Variants in TLN2 observed in about 807,000 individuals in gnomAD.
The protein encoded by TLN2 is talin-2.
TLN2 carries 118 observed loss-of-function variants against 294.7 expected under a neutral mutation model. The ratio of observed to expected loss-of-function variants is 0.40; its 90% confidence interval spans 0.34 to 0.47. The LOEUF (loss-of-function observed/expected upper bound fraction) is 0.47. Among genes scored for constraint, TLN2 ranks in the 20% least tolerant of loss-of-function variants. TLN2 has a pLI of 0.84. For synonymous variants in TLN2, 1,431 were observed against 1,304.5 expected (o/e 1.10, Z -2.09); for missense variants, 3,083 against 3,282.2 (o/e 0.94, Z 1.48).
At chr15:62,787,491 CA>C (rs2064760563) in intron 45 of TLN2, among the ~76,000 whole-genome samples, 1 of 151,694 alleles carries the variant, frequency 6.6e-6, no homozygotes, top group South Asian at 2.1e-4. Context: ...TTTATTTCGA[CA>C]AAAAAAGAAT....
At chr15:62,646,400 G>A (rs1200670853) in intron 3 of TLN2, among the ~76,000 whole-genome samples, 4 of 152,128 alleles carry the variant, frequency 2.6e-5, no homozygotes, top group Non-Finnish European at 4.4e-5. Flanking sequence ...GAGTTCAAGT[G>A]ATCCGCCCCC....
intron 51 of TLN2, among the ~76,000 whole-genome samples, chr15:62,806,192 G>A (rs189421875): frequency 1.4e-4 from 21 of 151,566 alleles, no homozygotes; most frequent in South Asian, 4.2e-4. Context: ...AACCCTGTCC[G>A]TTTAAAAAAA....
chr15:62,600,121 A>T (rs1342973013), intron 2 of TLN2, among the ~76,000 whole-genome samples: 1 of 152,174 alleles, frequency 6.6e-6, no homozygotes, highest in East Asian at 1.9e-4. Context: ...TGCTGCTTGT[A>T]GTTGAAAAGA....
At chr15:62,824,216 A>G (rs2067833605) in intron 54 of TLN2, among the ~76,000 whole-genome samples, 1 of 152,214 alleles carries the variant, frequency 6.6e-6, no homozygotes, top group African/African-American at 2.4e-5. Flanking sequence ...TATAGAAACA[A>G]TAAGTGTTGA....
chr15:62,499,099 T>C (rs2039167511), intron 1 of TLN2, among the ~76,000 whole-genome samples: 2 of 152,120 alleles, frequency 1.3e-5, no homozygotes, highest in Admixed American at 1.3e-4. Flanking sequence ...TTTTTTTTTC[T>C]AGGCCATGTT....
chr15:62,593,275 T>C (rs1193116994), intron 2 of TLN2, among the ~76,000 whole-genome samples: 1 of 152,242 alleles, frequency 6.6e-6, no homozygotes, highest in Non-Finnish European at 1.5e-5. Context: ...AGGCATCATT[T>C]GGTCTCCCAC....
intron 1 of TLN2, among the ~76,000 whole-genome samples, chr15:62,563,999 C>G (rs898962918): frequency 6.6e-6 from 1 of 152,132 alleles, no homozygotes; most frequent in Non-Finnish European, 1.5e-5. Flanking sequence ...CAGGCATGCA[C>G]TAACTACTAG....
Position 62,689,845 on chromosome 15 carries a change from T to G in TLN2, c.1114-2995T>G, listed in dbSNP as rs557392874. ...GTTTTCAAAATTCTTGGTATGGGCT[T>G]CTTTTTTTTTTTTTTTTTTTTTTTT... On this transcript the variant is annotated intron_variant, in intron 12 of 58. Coordinates refer to ENST00000636159, the MANE Select transcript of TLN2 (RefSeq NM_015059.3). Among the ~76,000 whole-genome samples the G allele has an allele frequency of 5.3e-4, 55 of 104,476 alleles. 1 individual carries two copies. The East Asian group carries it at 6.1e-3, about 12-fold the overall frequency. The allele number at this position is 104,476 out of a possible 152,430, so 68.5% of individuals were successfully genotyped here. A position where few individuals can be genotyped will look rare whatever the true frequency, so the allele number is the denominator to read the frequency against.
At chr15:62,780,631 C>T (rs77894013) in intron 43 of TLN2, among the ~76,000 whole-genome samples, 1 of 152,196 alleles carries the variant, frequency 6.6e-6, no homozygotes, top group East Asian at 1.9e-4. Flanking sequence ...ATTCCTAGTG[C>T]TTCTAATTCC....
At chr15:62,619,498 G>A (rs560831712) in intron 3 of TLN2, among the ~76,000 whole-genome samples, 35 of 152,294 alleles carry the variant, frequency 2.3e-4, no homozygotes, top group African/African-American at 7.0e-4. Flanking sequence ...AACTGTAGTG[G>A]GTTGAATAGT....
intron 51 of TLN2, among the ~76,000 whole-genome samples, chr15:62,808,845 A>C (rs2066475237): frequency 6.6e-6 from 1 of 152,184 alleles, no homozygotes; most frequent in Non-Finnish European, 1.5e-5. Flanking sequence ...CATACATGAC[A>C]TGCTGGCCAT....
At chr15:62,458,234 G>C (rs1201254503) in intron 1 of TLN2, among the ~76,000 whole-genome samples, 1 of 152,116 alleles carries the variant, frequency 6.6e-6, no homozygotes, top group Non-Finnish European at 1.5e-5. Context: ...CTTGTGCCCA[G>C]GCCTTTTTTC....
chr15:62,467,239 G>A (rs2037186072), intron 1 of TLN2, among the ~76,000 whole-genome samples: 1 of 152,194 alleles, frequency 6.6e-6, no homozygotes. Flanking sequence ...ACATAATTGA[G>A]CAGTAGGTTA....
chr15:62,762,440 A>G lies in TLN2; in HGVS notation c.4948A>G (p.Ile1650Val). 1 of 1,613,888 alleles carries G rather than the reference A, an allele frequency of 6.2e-7. No individual in the cohort carries two copies. Among genetic ancestry groups the G allele is most frequent in the Non-Finnish European group, 8.5e-7 (1 of 1,179,886 alleles). Reference protein sequence around the residue: ...HTVSDSIKSLITSIRDKAPGQ... With the variant: ...HTVSDSIKSLVTSIRDKAPGQ... ...AGTGTCCGACTCCATCAAGAGTCTC[A>G]TCACTTCTATCAGGTCAGTTTCCCA... The change falls in exon 39 of 59, where the codon ATC becomes GTC. Residue 1650 changes from isoleucine to valine, a missense_variant. Transcript: ENST00000636159.
chr15:62,475,297 T>C (rs762077971), intron 1 of TLN2, among the ~76,000 whole-genome samples: 33 of 152,286 alleles, frequency 2.2e-4, no homozygotes, highest in Admixed American at 1.2e-3. Flanking sequence ...GTTCCAAAAG[T>C]GTAACAGAAT....
At chr15:62,728,212 T>C (rs950926113) in intron 28 of TLN2, among the ~76,000 whole-genome samples, 1 of 152,196 alleles carries the variant, frequency 6.6e-6, no homozygotes, top group South Asian at 2.1e-4. Context: ...GTTTTTGAGC[T>C]GTAAGTAAAT....
At chr15:62,659,614 C>T (rs2053600323) in intron 9 of TLN2, among the ~76,000 whole-genome samples, 1 of 152,186 alleles carries the variant, frequency 6.6e-6, no homozygotes, top group African/African-American at 2.4e-5. Context: ...TAATCTGAGA[C>T]CACAAGAGTT....
At chr15:62,839,286 AC>A (rs762756403) in intron 58 of TLN2, among the ~76,000 whole-genome samples, 4 of 152,308 alleles carry the variant, frequency 2.6e-5, no homozygotes, top group East Asian at 1.9e-4. Context: ...CCTCTCACAT[AC>A]CATTGGTCAG....
intron 1 of TLN2, among the ~76,000 whole-genome samples, chr15:62,459,044 A>C (rs1165372268): frequency 6.6e-6 from 1 of 151,656 alleles, no homozygotes; most frequent in African/African-American, 2.4e-5. Flanking sequence ...CTCTGTCGCC[A>C]GGCTGGAGTA....
Sources: allele counts gnomAD v4.1 joint callset (sites outside exome capture counted in the v4.1 genomes callset), GRCh38; gene constraint gnomAD v4.1.1; transcripts MANE v1.5; gene names NCBI Gene and HGNC (gene_info 2026-07-23, HGNC 2026-07-21).